The following SCN7A variants were observed in gnomAD, a reference collection of about 807,000 sequenced individuals.
SCN7A encodes sodium voltage-gated channel alpha subunit 7.
SCN7A carries 138 observed loss-of-function variants against 155.2 expected under a neutral mutation model. That is an observed-to-expected ratio of 0.89 (90% CI 0.77 to 1.02). The LOEUF is 1.02. Among genes scored for constraint, SCN7A ranks in the 50% least tolerant of loss-of-function variants. The pLI, the probability that SCN7A is intolerant of heterozygous loss-of-function variation, is 0.00. For missense variants in SCN7A, 2,058 were observed against 1,986.6 expected, an observed-to-expected ratio of 1.04 and a Z score of -0.68; for synonymous variants, 693 against 649.0, an observed-to-expected ratio of 1.07 and a Z score of -1.03.
intron 13 of SCN7A, among the ~76,000 whole-genome samples, chr2:166,444,403 G>A (rs939981450): frequency 3.3e-5 from 5 of 152,124 alleles, no homozygotes; most frequent in African/African-American, 1.2e-4. Context: ...TCAGGTGCCT[G>A]TTATTTCACT....
At chr2:166,440,048 G>A (rs1269849133) in intron 15 of SCN7A, among the ~76,000 whole-genome samples, 1 of 152,160 alleles carries the variant, frequency 6.6e-6, no homozygotes, top group Admixed American at 6.5e-5. Flanking sequence ...CATAGATGCA[G>A]TGAAAGCTAC....
chr2:166,417,032 G>C (rs1278775354), intron 20 of SCN7A, 47 bp from the exon 21 acceptor site: 6 of 1,405,756 alleles, frequency 4.3e-6, no homozygotes, highest in Admixed American at 2.7e-5. Flanking sequence ...ATCTGAAACT[G>C]TTTTAGTTTT....
Position 166,423,239 on chromosome 2 carries a change from AT to A in SCN7A, c.3027+19del, listed in dbSNP as rs763893674. 2.5e-6 allele frequency: 4 copies of A among 1,591,848 alleles called. No individual in the cohort carries two copies. Among genetic ancestry groups the A allele is most frequent in the East Asian group, 2.2e-5 (1 of 44,622 alleles). On this transcript the variant is annotated intron_variant, in intron 19 of 25. Transcript: ENST00000643258. ...GAAAAAGTAAATCAAATAGCCTTTC[AT>A]TTTCTTTAAAATACGTACAATAACA...
intron 3 of SCN7A, among the ~76,000 whole-genome samples, chr2:166,475,104 G>GTATATATATATACATATA (rs1702758496): frequency 2.3e-5 from 2 of 86,026 alleles, no homozygotes; most frequent in African/African-American, 3.8e-5. Context: ...ACATATATAT[G>GTATATATATATACATATA]TATATATATA....
intron 2 of SCN7A, among the ~76,000 whole-genome samples, chr2:166,482,590 CACTGGTTTCATCAGT>C (rs893445085): frequency 6.6e-6 from 1 of 151,896 alleles, no homozygotes; most frequent in Non-Finnish European, 1.5e-5. Flanking sequence ...TGGACCACAG[CACTGGTTTCATCAGT>C]ACTGGTTTCA....
intron 11 of SCN7A, among the ~76,000 whole-genome samples, chr2:166,456,006 A>G (rs1490908609): frequency 6.6e-6 from 1 of 152,218 alleles, no homozygotes; most frequent in Non-Finnish European, 1.5e-5. Context: ...ATACTATGCA[A>G]CCATGAAATA....
chr2:166,414,291 CACATATATATATATATATAT>C (rs1173122338), intron 21 of SCN7A, among the ~76,000 whole-genome samples: 4 of 42,726 alleles, frequency 9.4e-5, no homozygotes, highest in Admixed American at 3.1e-4. Flanking sequence ...TATATACACA[CACATATATATATATATATAT>C]ACACATATAT....
intron 21 of SCN7A, among the ~76,000 whole-genome samples, chr2:166,414,103 T>TATGTAAA (rs1701276985): frequency 3.2e-5 from 2 of 63,042 alleles, no homozygotes; most frequent in South Asian, 4.5e-4. Flanking sequence ...ATATAATATA[T>TATGTAAA]TATATATAAA....
In SCN7A at chr2:166,406,464, G is replaced by C. The variant is rs751276880; in HGVS notation, c.4165C>G (p.Leu1389Val). ...AATACGGCATAGATGAACATGACCA[G>C]GAAGATGAGAAGAATGATGTTCAAT... ...ALLNIILLIFLVMFIYAVFGM... is the reference protein window; with the variant it reads ...ALLNIILLIFVVMFIYAVFGM... The change falls in exon 26 of 26, where the codon CTG becomes GTG. Residue 1389 changes from leucine to valine, a missense_variant. Physicochemically the swap from Leu to Val is conservative, Grantham distance 32 (BLOSUM62 1). Transcript: ENST00000643258. 6 of 1,612,812 alleles carry C rather than the reference G, an allele frequency of 3.7e-6. No individual in the cohort carries two copies. Among genetic ancestry groups the C allele is most frequent in the African/African-American group, 2.7e-5 (2 of 74,916 alleles).
At chr2:166,482,371 C>G (rs1702948834) in intron 2 of SCN7A, among the ~76,000 whole-genome samples, 1 of 152,036 alleles carries the variant, frequency 6.6e-6, no homozygotes, top group Admixed American at 6.6e-5. Flanking sequence ...AATTTGCTAG[C>G]CTGTCTTCCT....
In SCN7A at chr2:166,429,557, G is replaced by T. The variant is rs1055973692; in HGVS notation, c.2593-283C>A. On this transcript the variant is annotated intron_variant, in intron 16 of 25. Transcript: ENST00000643258. The stretch of plus-strand genomic sequence containing the variant: ...ACACTTTGCTTCTTAAAGATGTATA[G>T]GCTGTCTCCAATTCACAAAAGGATT... Among the ~76,000 whole-genome samples the T allele has an allele frequency of 4.6e-5, 7 of 152,034 alleles. No individual in the cohort carries two copies. In the South Asian group the frequency reaches 1.5e-3, roughly 32 times the overall value.
At chr2:166,414,907 GGAT>G (rs1199544689) in intron 21 of SCN7A, among the ~76,000 whole-genome samples, 1 of 86,734 alleles carries the variant, frequency 1.2e-5, no homozygotes, top group African/African-American at 4.5e-5. Flanking sequence ...TTATTATATA[GGAT>G]AATATATAAT....
At chr2:166,485,272 G>A (rs377185668) in intron 2 of SCN7A, among the ~76,000 whole-genome samples, 6 of 152,118 alleles carry the variant, frequency 3.9e-5, no homozygotes, top group African/African-American at 1.4e-4. Context: ...AAACACTGGT[G>A]GATCTGGTTC....
chr2:166,404,631 A>G lies in SCN7A; in HGVS notation c.*949T>C, dbSNP rs560670096. ...TATGAGAATCCCTATACATAATGGT[A>G]GTTCTCAACTCTTCTAATTCATGTT... is the stretch of plus-strand genomic sequence containing the variant. On this transcript the variant is annotated 3_prime_UTR_variant, in exon 26 of 26. Transcript: ENST00000643258. 3 of 151,946 alleles carry G rather than the reference A, an allele frequency of 2.0e-5. No homozygotes were observed. Among genetic ancestry groups the G allele is most frequent in the African/African-American group, 4.8e-5 (2 of 41,530 alleles). 9.4% of individuals were successfully genotyped at this position (151,946 alleles called of 1,614,324 possible).
chr2:166,465,419 A>T (rs1702506688), intron 9 of SCN7A, 43 bp downstream of exon 9: 1 of 1,290,640 alleles, frequency 7.7e-7, no homozygotes, highest in Admixed American at 1.9e-5. Flanking sequence ...AATACTATTG[A>T]CAGGTGATAA....
intron 3 of SCN7A, 110 bp from the exon 4 acceptor site, chr2:166,474,454 A>T (rs1404942381): frequency 2.6e-6 from 1 of 388,622 alleles, no homozygotes; most frequent in South Asian, 1.1e-4. Flanking sequence ...TCTAAAAGCC[A>T]TACTCTTCTT....
chr2:166,459,518 A>T lies in SCN7A; in HGVS notation c.1084-2442T>A, dbSNP rs184818994. Among the ~76,000 whole-genome samples, 103 of 152,292 alleles carry T rather than the reference A, an allele frequency of 6.8e-4. 1 individual carries two copies. The East Asian group carries it at 0.015, about 22-fold the overall frequency. On this transcript the variant is annotated intron_variant, in intron 10 of 25. Coordinates refer to ENST00000643258, the MANE Select transcript of SCN7A (RefSeq NM_002976.4). ...ATATCAGAATACTTGGATAAAATAA[A>T]TATATTTTGAATTAATGGAAAACAA... is the stretch of plus-strand genomic sequence containing the variant.
At chr2:166,456,821 T>G (rs77272968) in intron 11 of SCN7A, 49 bp downstream of exon 11, 28 of 682,702 alleles carry the variant, frequency 4.1e-5, no homozygotes, top group Admixed American at 6.0e-5. Flanking sequence ...TATATATATA[T>G]ATATATATAG....
chr2:166,483,246 G>A (rs997507137), intron 2 of SCN7A, among the ~76,000 whole-genome samples: 2 of 151,958 alleles, frequency 1.3e-5, no homozygotes, highest in African/African-American at 4.8e-5. Flanking sequence ...TTGAGTATGA[G>A]CCAAAATTTA....
Sources: allele counts gnomAD v4.1 joint callset (sites outside exome capture counted in the v4.1 genomes callset), GRCh38; gene constraint gnomAD v4.1.1; transcripts MANE v1.5; gene names NCBI Gene and HGNC (gene_info 2026-07-23, HGNC 2026-07-21).